Variants in CNKSR1 observed in about 807,000 individuals in gnomAD.
CNKSR1 encodes the protein connector enhancer of kinase suppressor of Ras 1.
In CNKSR1, 88 loss-of-function variants were observed where a neutral mutation model predicts 95.6. That is an observed-to-expected ratio of 0.92 (90% confidence interval 0.78 to 1.10). The LOEUF is 1.10. CNKSR1 is among the 50% of genes least tolerant of loss of function. CNKSR1 has a pLI of 0.00. For missense variants in CNKSR1, 836 were observed against 912.0 expected (o/e 0.92, Z 1.07); for synonymous variants, 355 against 369.7 (o/e 0.96, Z 0.46).
intron 1 of CNKSR1, among the ~76,000 whole-genome samples, chr1:26,179,900 C>T (rs1021748082): frequency 6.6e-6 from 1 of 152,178 alleles, no homozygotes; most frequent in Non-Finnish European, 1.5e-5. Flanking sequence ...CTTTCAGAGA[C>T]TGAGGCAGTC....
Position 26,184,217 on chromosome 1 carries a change from C to G in CNKSR1, c.930C>G (p.Ala310=). 1 of 1,613,308 alleles carries G rather than the reference C, an allele frequency of 6.2e-7. No homozygotes were observed. Among genetic ancestry groups the G allele is most frequent in the Non-Finnish European group, 8.5e-7 (1 of 1,179,786 alleles). The change falls in exon 11 of 21, where the codon GCC becomes GCG. Residue 310 remains alanine (A), a synonymous_variant. Transcript: ENST00000361530. ...SLSLAPLSPR[A]PSEDVFAFDL... is the part of the protein sequence containing the mutation. ...TCATCCCCCTTGCCCTCCCCAGGGC[C>G]CCATCTGAAGACGTCTTTGCCTTTG... is the stretch of plus-strand genomic sequence containing the variant.
At position 26,183,335 on chromosome 1, in the gene CNKSR1, CCCCACGTCAGGTT is replaced by C. The variant is rs1294371361; in HGVS notation, c.685-5_692del. 10 of 1,614,196 alleles carry C rather than the reference CCCCACGTCAGGTT, an allele frequency of 6.2e-6. No homozygotes were observed. Among genetic ancestry groups the C allele is most frequent in the Non-Finnish European group, 8.5e-6 (10 of 1,180,024 alleles). ...AGCCAGGCCAACCTCAGGCCCCATT[CCCCACGTCAGGTT>C]CCCACTGACTCCCGACTGCAGATCC... On this transcript the variant is annotated splice_acceptor_variant and splice_polypyrimidine_tract_variant and coding_sequence_variant and intron_variant, in exon 8 of 21. Coordinates refer to ENST00000361530, the MANE Select transcript of CNKSR1 (RefSeq NM_006314.3). LOFTEE classifies it high-confidence loss of function.
intron 4 of CNKSR1, 56 bp from the exon 5 acceptor site, chr1:26,182,305 A>T: frequency 6.4e-7 from 1 of 1,570,714 alleles, no homozygotes; most frequent in Non-Finnish European, 8.8e-7. Context: ...AGGAGAAGGC[A>T]GTCCCCTTAT....
intron 8 of CNKSR1, 59 bp downstream of exon 8, chr1:26,183,473 T>G: frequency 1.3e-6 from 2 of 1,571,364 alleles, no homozygotes; most frequent in Non-Finnish European, 1.7e-6. Context: ...AACCCAAGTC[T>G]GGTGGGTGGG....
chr1:26,188,362 C>T, intron 17 of CNKSR1, 55 bp downstream of exon 17: 3 of 1,611,926 alleles, frequency 1.9e-6, no homozygotes, highest in Non-Finnish European at 2.5e-6. Flanking sequence ...CTGTGCCTTT[C>T]CTGGGATGGG....
rs759598064 is a variant in CNKSR1 at position 26,188,479 on chromosome 1, T to C, written c.1566T>C (p.Asp522=). The change falls in exon 18 of 21, where the codon GAT becomes GAC. Residue 522 remains aspartate (D), a synonymous_variant. Coordinates refer to ENST00000361530, the MANE Select transcript of CNKSR1 (RefSeq NM_006314.3). The stretch of plus-strand genomic sequence containing the variant: ...AGACCGAAGCAGAGGACCCGGACGA[T>C]GAGGCTGGGTCCCACTCAGCCTCGG... ...YSETEAEDPD[D]EAGSHSASPS... 25 of 1,604,938 alleles carry C rather than the reference T, an allele frequency of 1.6e-5. 1 individual carries two copies. The African/African-American group carries it at 1.9e-4, about 12-fold the overall frequency.
rs1473646019 is a variant in CNKSR1 at position 26,183,755 on chromosome 1, G to A, written c.780G>A (p.Val260=). 1 of 1,613,586 alleles carries A rather than the reference G, an allele frequency of 6.2e-7. No individual in the cohort carries two copies. Among genetic ancestry groups the A allele is most frequent in the East Asian group, 2.2e-5 (1 of 44,868 alleles). The part of the protein sequence containing the change: ...VVVGWPRKNM[V]RELLREPAGL... The stretch of plus-strand genomic sequence containing the variant: ...TGGGATGGCCCCGTAAGAACATGGT[G>A]AGGGAACTGCTGCGGGAGCCAGCCG... The change falls in exon 9 of 21, where the codon GTG becomes GTA. Residue 260 remains valine (V), a synonymous_variant. Coordinates refer to ENST00000361530, the MANE Select transcript of CNKSR1 (RefSeq NM_006314.3).
In CNKSR1 at chr1:26,177,512, A is replaced by C; in HGVS notation, c.-36A>C. The C allele has an allele frequency of 6.2e-7, 1 of 1,613,440 alleles. No individual in the cohort carries two copies. The highest frequency in any genetic ancestry group is 8.5e-7 in the Non-Finnish European group (1 of 1,179,752). ...GCGGAAATTCCGGCGACAGCAGGGC[A>C]AAACAGGAGCTGATTCGAGCTGGCA... On this transcript the variant is annotated 5_prime_UTR_variant, in exon 1 of 21. Transcript: ENST00000361530.
Position 26,187,430 on chromosome 1 carries a change from G to C in CNKSR1, c.1402G>C (p.Asp468His). ...KKKYVFQLTH[D>H]VYKPFIFAAD... ...TGGCAGTGTGTTTCAGCTCACCCAT[G>C]ATGTGTACAAACCCTTCATCTTCGC... Residue 468 changes from aspartate (D) to histidine (H), a missense_variant, in exon 16 of 21, where the codon GAT (aspartate) becomes CAT (histidine). Coordinates refer to ENST00000361530, the MANE Select transcript of CNKSR1 (RefSeq NM_006314.3). The C allele has an allele frequency of 6.2e-7, 1 of 1,614,052 alleles. No individual in the cohort carries two copies. Among genetic ancestry groups the C allele is most frequent in the Non-Finnish European group, 8.5e-7 (1 of 1,179,990 alleles).
rs1043618520 is a variant in CNKSR1, at chr1:26,184,752, T to C, written c.1135+140T>C. ...CTCTGTTTCTAGGGTCAGACAGAGC[T>C]GTGCTCCCAGTCTGGGCCTCTCACC... On this transcript the variant is annotated intron_variant, in intron 13 of 20. Coordinates refer to ENST00000361530, the MANE Select transcript of CNKSR1 (RefSeq NM_006314.3). The C allele has an allele frequency of 9.8e-6, 11 of 1,117,226 alleles. 1 individual carries two copies. The highest frequency in any genetic ancestry group is 4.0e-5 in the Admixed American group (2 of 50,108). The allele number at this position is 1,117,226 out of a possible 1,614,324, so 69.2% of individuals were successfully genotyped here.
chr1:26,185,413 G>A (rs1480616294), intron 14 of CNKSR1, among the ~76,000 whole-genome samples: 8 of 143,894 alleles, frequency 5.6e-5, no homozygotes, highest in Non-Finnish European at 1.2e-4. Flanking sequence ...TTTTTTTGGA[G>A]ACAAAGTCTC....
At chr1:26,183,868 C>G (rs765452416) in intron 9 of CNKSR1, 38 bp downstream of exon 9, 1 of 565,930 alleles carries the variant, frequency 1.8e-6, no homozygotes, top group Non-Finnish European at 2.9e-6. Flanking sequence ...GCCTTCAGAC[C>G]CCCCCCTCCA....
At chr1:26,180,942 C>A (rs769820976) in intron 3 of CNKSR1, 46 bp downstream of exon 3, 21 of 1,609,136 alleles carry the variant, frequency 1.3e-5, no homozygotes, top group Non-Finnish European at 1.8e-5. Flanking sequence ...TCATCCTTGG[C>A]CTCCTTCAGG....
rs368701597 is a variant in CNKSR1, at chr1:26,184,532, G to A, written c.1107+25G>A. 107 of 1,607,170 alleles carry A rather than the reference G, an allele frequency of 6.7e-5. 1 individual carries two copies. In the African/African-American group the frequency reaches 9.5e-4, roughly 14 times the overall value. ...GGTAAGCTCAGGGGCTTAGCAAGGG[G>A]GTGGGTGGGTCTGGACCTAGATCCT... On this transcript the variant is annotated intron_variant, in intron 12 of 20. Transcript: ENST00000361530.
intron 14 of CNKSR1, 41 bp downstream of exon 14, chr1:26,185,227 C>T: frequency 6.5e-7 from 1 of 1,538,380 alleles, no homozygotes; most frequent in Non-Finnish European, 8.8e-7. Context: ...AAGTGAGTCA[C>T]TTCCAGGCCT....
At position 26,180,687 on chromosome 1, in the gene CNKSR1, G is replaced by A. The variant is rs749467410; in HGVS notation, c.211-28G>A. On this transcript the variant is annotated intron_variant, in intron 2 of 20. Transcript: ENST00000361530. ...TGATGGGGGGCTGGCTGCTGCCAGG[G>A]AGGTGACTTGCCCTCTTTCTGGCAC... is the stretch of plus-strand genomic sequence containing the variant. 9.9e-6 allele frequency: 16 copies of A among 1,613,916 alleles called. No homozygotes were observed. The South Asian group carries it at 1.8e-4, about 18-fold the overall frequency.
chr1:26,180,095 C>G (rs1889736), intron 1 of CNKSR1: 13,495 of 345,190 alleles, frequency 0.039, 1,627 homozygotes, highest in African/African-American at 0.26. Flanking sequence ...GTGACTGTGT[C>G]TCAAGCCCCT....
Position 26,182,604 on chromosome 1 carries a change from C to G in CNKSR1, c.624+20C>G, listed in dbSNP as rs1446568624. 1 of 1,598,308 alleles carries G rather than the reference C, an allele frequency of 6.3e-7. No individual in the cohort carries two copies. Among genetic ancestry groups the G allele is most frequent in the Non-Finnish European group, 8.6e-7 (1 of 1,168,730 alleles). On this transcript the variant is annotated intron_variant, in intron 6 of 20. Transcript: ENST00000361530. ...CCATTGGTGAGCCCTGCCCTCCCAC[C>G]TCTCACTTCTGACCCCTTGGCAGCC...
In CNKSR1 at chr1:26,189,349, G is replaced by A. The variant is rs138057775; in HGVS notation, c.1943G>A (p.Arg648His). 3.5e-4 allele frequency: 564 copies of A among 1,614,182 alleles called. 3 individuals are homozygous for A. In the African/African-American group the frequency reaches 5.9e-3, roughly 17 times the overall value. The change falls in exon 21 of 21, where the codon CGC (arginine) becomes CAC (histidine). Residue 648 changes from arginine (R) to histidine (H), a missense_variant. By Grantham distance (29) the Arg-to-His change is conservative. Transcript: ENST00000361530. ...GDPELTGEKF[R>H]QWKEQNRELY... ...CCTGAGCTGACAGGAGAGAAGTTCC[G>A]CCAGTGGAAGGAGCAGAACCGGGAG...
Sources: allele counts gnomAD v4.1 joint callset (sites outside exome capture counted in the v4.1 genomes callset), GRCh38; gene constraint gnomAD v4.1.1; transcripts MANE v1.5; gene names NCBI Gene and HGNC (gene_info 2026-07-23, HGNC 2026-07-21).